ADARB2: variants seen among roughly 807,000 people sequenced by gnomAD.
ADARB2 encodes inactive double-stranded RNA-specific editase B2.
ADARB2 carries 25 observed loss-of-function variants against 62.2 expected under a neutral mutation model. The ratio of observed to expected loss-of-function variants is 0.40; its 90% CI spans 0.29 to 0.56. The LOEUF (loss-of-function observed/expected upper bound fraction) is 0.56. Ranked by LOEUF, ADARB2 falls within the 20% of genes least tolerant of loss-of-function variation. The probability of loss-of-function intolerance (pLI) is 0.43; values close to 1 mark genes in which losing one functional copy is unlikely to be tolerated. For missense variants in ADARB2, 1,071 were observed against 1,077.4 expected (o/e 0.99, Z 0.08); for synonymous variants, 572 against 500.8 (o/e 1.14, Z -1.90).
rs1344411248 is a variant in ADARB2 at position 1,675,096 on chromosome 10, G to A, written c.100+61955C>T. ...GGTTTGGGTTAAGGGATGTGTGGAT[G>A]TTCTGGAGGTTTGGGTTGCGGGGTA... On this transcript the variant is annotated intron_variant, in intron 1 of 9. Transcript: ENST00000381312. 4.1e-6 allele frequency: 4 copies of A among 984,416 alleles called. No homozygotes were observed. The African/African-American group carries it at 7.0e-5, about 17-fold the overall frequency. The allele number at this position is 984,416 out of a possible 1,614,324, so 61.0% of individuals were successfully genotyped here. A position where few individuals can be genotyped will look rare whatever the true frequency, so the allele number is the denominator to read the frequency against.
At chr10:1,651,709 G>T (rs535217595) in intron 1 of ADARB2, among the ~76,000 whole-genome samples, 3 of 152,322 alleles carry the variant, frequency 2.0e-5, no homozygotes, top group Admixed American at 6.5e-5. Flanking sequence ...AGACAGCGAA[G>T]CGGGGCCTTA....
intron 1 of ADARB2, among the ~76,000 whole-genome samples, chr10:1,428,350 T>A (rs1462629159): frequency 1.4e-5 from 2 of 148,094 alleles, no homozygotes; most frequent in Non-Finnish European, 3.0e-5. Flanking sequence ...GCAGTGGTGC[T>A]ATCTCGGCTC....
chr10:1,380,413 A>G (rs960030417), intron 1 of ADARB2, among the ~76,000 whole-genome samples: 5 of 152,214 alleles, frequency 3.3e-5, no homozygotes, highest in Non-Finnish European at 7.3e-5. Flanking sequence ...AGTTTACATC[A>G]CCCTGTAACA....
At chr10:1,563,643 A>C (rs1200382876) in intron 1 of ADARB2, among the ~76,000 whole-genome samples, 1 of 151,476 alleles carries the variant, frequency 6.6e-6, no homozygotes, top group Admixed American at 6.6e-5. Flanking sequence ...TTTTATTATT[A>C]TTATACTTTA....
intron 1 of ADARB2, among the ~76,000 whole-genome samples, chr10:1,501,158 T>G (rs964942266): frequency 6.6e-6 from 1 of 152,114 alleles, no homozygotes; most frequent in African/African-American, 2.4e-5. Context: ...TAGGCGTGAG[T>G]CACCACGCCT....
In ADARB2 at chr10:1,737,225, G is replaced by T; in HGVS notation, c.-75C>A. On this transcript the variant is annotated 5_prime_UTR_variant, in exon 1 of 10. Coordinates refer to ENST00000381312, the MANE Select transcript of ADARB2 (RefSeq NM_018702.4). Reference sequence around the variant, plus strand: ...ACCTGCCTCCTTCCCGGCAGCCGCCGCCGCCGCTGCTGCGAAGCTTGAGGT... The same window carrying T: ...ACCTGCCTCCTTCCCGGCAGCCGCCTCCGCCGCTGCTGCGAAGCTTGAGGT... 6.7e-7 allele frequency: 1 copy of T among 1,493,296 alleles called. No homozygotes were observed. The highest frequency in any genetic ancestry group is 9.2e-7 in the Non-Finnish European group (1 of 1,087,432). 92.5% of individuals were successfully genotyped at this position (1,493,296 alleles called of 1,614,324 possible). A position where few individuals can be genotyped will look rare whatever the true frequency, so the allele number is the denominator to read the frequency against.
At chr10:1,532,649 CA>C (rs1315340070) in intron 1 of ADARB2, among the ~76,000 whole-genome samples, 2 of 152,132 alleles carry the variant, frequency 1.3e-5, no homozygotes, top group Non-Finnish European at 2.9e-5. Flanking sequence ...AGTGAGACAC[CA>C]AGAGGTCATC....
intron 6 of ADARB2, among the ~76,000 whole-genome samples, chr10:1,223,402 C>G (rs1830714409): frequency 6.6e-6 from 1 of 152,094 alleles, no homozygotes; most frequent in Non-Finnish European, 1.5e-5. Flanking sequence ...ATTGAATAAC[C>G]TTTATTTCCT....
chr10:1,383,677 T>C (rs188463548), intron 1 of ADARB2, among the ~76,000 whole-genome samples: 1 of 152,364 alleles, frequency 6.6e-6, no homozygotes, highest in Admixed American at 6.5e-5. Flanking sequence ...TCACACTGCA[T>C]AGTCACTGGG....
chr10:1,246,943 T>TCC (rs1830991163), intron 4 of ADARB2, among the ~76,000 whole-genome samples: 1 of 152,086 alleles, frequency 6.6e-6, no homozygotes, highest in African/African-American at 2.4e-5. Context: ...ATTTTCACGA[T>TCC]ATTGATTCTT....
rs538645319 is a variant in ADARB2, at chr10:1,433,428, G to A, written c.101-54268C>T. 7.9e-5 allele frequency among the ~76,000 whole-genome samples: 12 copies of A among 152,330 alleles called. No individual in the cohort carries two copies. The South Asian group carries it at 1.4e-3, about 18-fold the overall frequency. On this transcript the variant is annotated intron_variant, in intron 1 of 9. Transcript: ENST00000381312. ...AAAGGCAGAGAGTATTGTCACCAGG[G>A]AAGTGGATTAAAACGTGTGGATAAG... is the stretch of plus-strand genomic sequence containing the variant.
intron 1 of ADARB2, among the ~76,000 whole-genome samples, chr10:1,593,820 A>G (rs1487875599): frequency 6.6e-6 from 1 of 152,150 alleles, no homozygotes; most frequent in African/African-American, 2.4e-5. Flanking sequence ...AGTGCTTGGT[A>G]GAATGGTTTG....
chr10:1,261,492 C>T (rs1034427165), intron 4 of ADARB2, among the ~76,000 whole-genome samples: 3 of 150,248 alleles, frequency 2.0e-5, no homozygotes, highest in East Asian at 1.9e-4. Context: ...GGGCAAAGGA[C>T]ATGAACAGAC....
intron 1 of ADARB2, among the ~76,000 whole-genome samples, chr10:1,401,901 T>C (rs1361843987): frequency 2.0e-5 from 3 of 152,198 alleles, no homozygotes; most frequent in African/African-American, 7.2e-5. Context: ...TGTGGAGGGC[T>C]GAGTTCTACA....
chr10:1,375,329 C>A (rs1184150845), intron 2 of ADARB2, among the ~76,000 whole-genome samples: 1 of 152,212 alleles, frequency 6.6e-6, no homozygotes, highest in Non-Finnish European at 1.5e-5. Context: ...TGCCCCAGGG[C>A]AGACACGCCT....
chr10:1,303,803 A>C (rs1831598495), intron 3 of ADARB2, among the ~76,000 whole-genome samples: 2 of 151,940 alleles, frequency 1.3e-5, no homozygotes, highest in South Asian at 4.2e-4. Flanking sequence ...GAAATAAAAT[A>C]CTTTACAGAC....
At chr10:1,589,426 C>A (rs936511014) in intron 1 of ADARB2, among the ~76,000 whole-genome samples, 1 of 151,264 alleles carries the variant, frequency 6.6e-6, no homozygotes, top group African/African-American at 2.4e-5. Flanking sequence ...GTCAGGGCAT[C>A]CATGGTCGGG....
intron 3 of ADARB2, among the ~76,000 whole-genome samples, chr10:1,314,261 C>T (rs1047993091): frequency 2.0e-5 from 3 of 152,302 alleles, no homozygotes; most frequent in Non-Finnish European, 4.4e-5. Context: ...TCTCTGCAGC[C>T]GCCTCCCTTT....
At chr10:1,315,208 C>A (rs527613128) in intron 3 of ADARB2, among the ~76,000 whole-genome samples, 105 of 152,272 alleles carry the variant, frequency 6.9e-4, no homozygotes, top group African/African-American at 2.5e-3. Context: ...AGGGAGAGAT[C>A]AGGAGGCAGC....
Sources: allele counts gnomAD v4.1 joint callset (sites outside exome capture counted in the v4.1 genomes callset), GRCh38; gene constraint gnomAD v4.1.1; transcripts MANE v1.5; gene names NCBI Gene and HGNC (gene_info 2026-07-23, HGNC 2026-07-21).